FBXW11: variants seen among roughly 807,000 people sequenced by gnomAD.
The protein encoded by FBXW11 is F-box and WD repeat domain containing 11.
In FBXW11, 19 loss-of-function variants were observed where a neutral mutation model predicts 77.6. The ratio of observed to expected loss-of-function variants is 0.24; its 90% CI spans 0.17 to 0.36. FBXW11 has a LOEUF of 0.36. Among genes scored for constraint, FBXW11 ranks in the 10% least tolerant of loss-of-function variants. The pLI, the probability that FBXW11 is intolerant of heterozygous loss-of-function variation, is 1.00. For missense variants in FBXW11, 334 were observed against 704.2 expected (o/e 0.47, Z 5.95); for synonymous variants, 235 against 249.4 (o/e 0.94, Z 0.54).
chr5:171,952,353 G>GT (rs559530088), intron 2 of FBXW11, among the ~76,000 whole-genome samples: 9 of 126,274 alleles, frequency 7.1e-5, no homozygotes, highest in Non-Finnish European at 1.5e-4. Flanking sequence ...GAAAGATGTG[G>GT]TTTTTTTTAA....
intron 7 of FBXW11, among the ~76,000 whole-genome samples, chr5:171,888,344 G>C (rs926510120): frequency 4.6e-5 from 7 of 152,322 alleles, no homozygotes; most frequent in Admixed American, 3.3e-4. Context: ...GCGCAGAACA[G>C]ACTGAACCAG....
In FBXW11 at chr5:171,869,743, A is replaced by C; in HGVS notation, c.1516T>G (p.Leu506Val). 1 of 1,610,588 alleles carries C rather than the reference A, an allele frequency of 6.2e-7. No individual in the cohort carries two copies. The highest frequency in any genetic ancestry group is 1.1e-5 in the South Asian group (1 of 90,626). Residue 506 changes from leucine to valine, a missense_variant, in exon 12 of 14, where the codon TTG becomes GTG. Around this residue, in one of 10 missense-constraint regions of FBXW11, gnomAD observed 30 missense variants for 50.7 expected, o/e 0.59. Transcript: ENST00000517395. The surrounding 1 kb of genome is among the most constrained non-coding windows in gnomAD (Gnocchi z 4.1). ...DPRAPASTLC[L>V]RTLVEHSGRV... ...AGATCACATACCACCAATGTGCGCA[A>C]ACACAATGTGCTTGCTGGGGCTCGA...
chr5:171,914,812 G>A (rs756548430), intron 2 of FBXW11, among the ~76,000 whole-genome samples: 3 of 152,246 alleles, frequency 2.0e-5, no homozygotes, highest in Non-Finnish European at 1.5e-5. Flanking sequence ...CAAGGAATCC[G>A]CAATTAGAAG....
intron 1 of FBXW11, among the ~76,000 whole-genome samples, chr5:171,975,820 C>CA (rs1408079515): frequency 6.6e-6 from 1 of 152,032 alleles, no homozygotes; most frequent in Non-Finnish European, 1.5e-5. Flanking sequence ...TTAGGGCGAA[C>CA]AAAAATCATA....
intron 3 of FBXW11, among the ~76,000 whole-genome samples, chr5:171,913,888 G>A (rs1761064035): frequency 6.8e-6 from 1 of 148,042 alleles, no homozygotes; most frequent in Non-Finnish European, 1.5e-5. Context: ...CTGGGAAATT[G>A]GGAAGAAAAC....
chr5:171,999,244 C>G (rs1766265602), intron 1 of FBXW11, among the ~76,000 whole-genome samples: 1 of 152,106 alleles, frequency 6.6e-6, no homozygotes. Flanking sequence ...GTATACTATG[C>G]TTTTCAAGGT....
chr5:171,864,234 G>A (rs80262872), intron 13 of FBXW11, 133 bp from the exon 14 acceptor site: 2 of 152,372 alleles, frequency 1.3e-5, no homozygotes, highest in East Asian at 1.9e-4. Flanking sequence ...GAAGCTGTAA[G>A]TTGTTCTGAG....
chr5:171,885,711 A>T lies in FBXW11; in HGVS notation c.852+5756T>A, dbSNP rs1203278313. 7.2e-5 allele frequency among the ~76,000 whole-genome samples: 11 copies of T among 152,336 alleles called. No individual in the cohort carries two copies. The East Asian group carries it at 1.9e-3, about 27-fold the overall frequency. On this transcript the variant is annotated intron_variant, in intron 7 of 13. Coordinates refer to ENST00000517395, the MANE Select transcript of FBXW11 (RefSeq NM_001378974.1). ...AATGTTTTCAAAGATTGAACTATTT[A>T]AAATAGACTCTGTGCACCTATTTCT... is the stretch of plus-strand genomic sequence containing the variant.
chr5:171,911,463 A>G (rs1561675080), intron 3 of FBXW11, among the ~76,000 whole-genome samples: 1 of 152,214 alleles, frequency 6.6e-6, no homozygotes, highest in Non-Finnish European at 1.5e-5. Context: ...GGTCTATATA[A>G]CAAAGATAAG....
chr5:171,876,500 T>G lies in FBXW11; in HGVS notation c.1006A>C (p.Thr336Pro), dbSNP rs1758091011. ...WDVNTGEVLN[T>P]LIHHNEAVLH... ...ACAGCCTCATTGTGGTGGATCAATG[T>G]GTTAAGAACTTCACCCGTGTTCACA... Residue 336 changes from threonine (T) to proline (P), a missense_variant, in exon 9 of 14, where the codon ACA (threonine) becomes CCA (proline). Thr to Pro is a conservative substitution (Grantham distance 38). Transcript: ENST00000517395. This position sits in a 1 kb window ranked among gnomAD's most constrained non-coding sequence, Gnocchi z 4.2. 1 of 1,614,102 alleles carries G rather than the reference T, an allele frequency of 6.2e-7. No individual in the cohort carries two copies. Among genetic ancestry groups the G allele is most frequent in the Non-Finnish European group, 8.5e-7 (1 of 1,180,040 alleles).
rs1299820998 is a variant in FBXW11, at chr5:171,862,678, G to A, written c.*1449C>T. ...GGGCTGTGTCGTAGGGAGGACTTGG[G>A]AGCTTTGAGAACCTGCTGGGGCCAC... On this transcript the variant is annotated 3_prime_UTR_variant, in exon 14 of 14. Coordinates refer to ENST00000517395, the MANE Select transcript of FBXW11 (RefSeq NM_001378974.1). 1.3e-5 allele frequency: 2 copies of A among 152,664 alleles called. No homozygotes were observed. The highest frequency in any genetic ancestry group is 2.9e-5 in the Non-Finnish European group (2 of 68,126). The allele number at this position is 152,664 out of a possible 1,614,324, so 9.5% of individuals were successfully genotyped here. A position where few individuals can be genotyped will look rare whatever the true frequency, so the allele number is the denominator to read the frequency against.
At position 171,865,991 on chromosome 5, in the gene FBXW11, G is replaced by A. The variant is rs1222176230; in HGVS notation, c.*26-1890C>T. Among the ~76,000 whole-genome samples the A allele has an allele frequency of 5.9e-5, 9 of 152,222 alleles. No individual in the cohort carries two copies. In the South Asian group the frequency reaches 6.2e-4, roughly 11 times the overall value. On this transcript the variant is annotated intron_variant, in intron 13 of 13. Transcript: ENST00000517395. ...AAATGAAAAGCATTTGGGGCCGCAC[G>A]CGGTGGCTCACTCCTTTATTCCCAG... is the stretch of plus-strand genomic sequence containing the variant.
At chr5:171,901,787 GT>G (rs1295858152) in intron 4 of FBXW11, among the ~76,000 whole-genome samples, 2 of 152,162 alleles carry the variant, frequency 1.3e-5, no homozygotes, top group African/African-American at 2.4e-5. Flanking sequence ...GCTTTGTGCG[GT>G]TTATATTTAT....
chr5:171,891,447 TA>T lies in FBXW11; in HGVS notation c.852+19del, dbSNP rs151338544. On this transcript the variant is annotated intron_variant, in intron 7 of 13. Coordinates refer to ENST00000517395, the MANE Select transcript of FBXW11 (RefSeq NM_001378974.1). ...TAGCCACGATTCTAAAAATAATACA[TA>T]AAAAATTCAGTCATTCACCTTAATA... 6,640 of 1,563,758 alleles carry T rather than the reference TA, an allele frequency of 4.2e-3. 248 individuals carry two copies. The African/African-American group carries it at 0.08, about 19-fold the overall frequency.
chr5:171,875,935 T>C (rs6882825), intron 9 of FBXW11, among the ~76,000 whole-genome samples: 1,548 of 152,304 alleles, frequency 0.01, 23 homozygotes, highest in African/African-American at 0.035. Context: ...GCCAGATGTG[T>C]AAAATGGGGC....
chr5:171,920,277 G>GT (rs1295897804), intron 2 of FBXW11, among the ~76,000 whole-genome samples: 1 of 152,154 alleles, frequency 6.6e-6, no homozygotes, highest in Non-Finnish European at 1.5e-5. Flanking sequence ...GGGATGACTG[G>GT]TTTGGATGGT....
At chr5:171,867,055 TC>T (rs1050829329) in intron 13 of FBXW11, among the ~76,000 whole-genome samples, 1 of 152,124 alleles carries the variant, frequency 6.6e-6, no homozygotes, top group Admixed American at 6.5e-5. Context: ...CCAGAATCCT[TC>T]CAAAGGCAAC....
intron 10 of FBXW11, among the ~76,000 whole-genome samples, chr5:171,872,109 C>A (rs1378145737): frequency 6.6e-6 from 1 of 152,150 alleles, no homozygotes; most frequent in Non-Finnish European, 1.5e-5. Flanking sequence ...TTTTAATAAT[C>A]TTAAACCCAA....
chr5:171,926,500 C>T (rs1013304870), intron 2 of FBXW11, among the ~76,000 whole-genome samples: 2 of 152,190 alleles, frequency 1.3e-5, no homozygotes, highest in African/African-American at 4.8e-5. Flanking sequence ...TTAACACCAA[C>T]CCCCTTGGTG....
Sources: allele counts gnomAD v4.1 joint callset (sites outside exome capture counted in the v4.1 genomes callset), GRCh38; gene constraint gnomAD v4.1.1; regional missense constraint gnomAD v4.1.1; non-coding constraint Gnocchi (gnomAD v3.1); transcripts MANE v1.5; gene names NCBI Gene and HGNC (gene_info 2026-07-23, HGNC 2026-07-21).